Variants in HACD2 observed in about 807,000 individuals in gnomAD.
HACD2 encodes the protein very-long-chain (3R)-3-hydroxyacyl-CoA dehydratase 2.
A neutral mutation model predicts 31.0 loss-of-function variants in HACD2; 15 were observed. That is an observed-to-expected ratio of 0.48 (90% confidence interval 0.32 to 0.75). The LOEUF (loss-of-function observed/expected upper bound fraction) is 0.75. Among genes scored for constraint, HACD2 ranks in the 30% least tolerant of loss-of-function variants. HACD2 has a pLI of 0.03. For synonymous variants in HACD2, 115 were observed against 122.2 expected (o/e 0.94, Z 0.39); for missense variants, 283 against 313.0 (o/e 0.90, Z 0.72).
rs1436481950 is a variant in HACD2, at chr3:123,584,889, C to T, written c.139G>A (p.Val47Met). The T allele has an allele frequency of 3.9e-6, 6 of 1,523,018 alleles. No homozygotes were observed. Among genetic ancestry groups the T allele is most frequent in the Non-Finnish European group, 5.3e-6 (6 of 1,135,256 alleles). The allele number at this position is 1,523,018 out of a possible 1,614,324, so 94.3% of individuals were successfully genotyped here. ...CAGCCTCACCCGGCTGTCATCACCA[C>T]ATTGTAGATGACCAGGTACGCCGTG... ...LATAYLVIYNVVMTAGWLVIA... is the reference protein window; with the variant it reads ...LATAYLVIYNMVMTAGWLVIA... Residue 47 changes from valine to methionine, a missense_variant, in exon 1 of 7, where the codon GTG (valine) becomes ATG (methionine). Val to Met is a conservative substitution (Grantham distance 21). This residue lies in a region of HACD2 where 158 missense variants were observed against 148.3 expected (regional missense o/e 1.07). Transcript: ENST00000383657.
chr3:123,548,338 C>T (rs34120095), intron 3 of HACD2, among the ~76,000 whole-genome samples: 5,865 of 152,072 alleles, frequency 0.039, 697 homozygotes, highest in East Asian at 0.35. Flanking sequence ...CATTCTAGCA[C>T]GTGGTGAGGA....
chr3:123,513,915 T>C (rs974791378), intron 4 of HACD2, among the ~76,000 whole-genome samples: 1 of 152,188 alleles, frequency 6.6e-6, no homozygotes, highest in Non-Finnish European at 1.5e-5. Context: ...CAAGTACTTA[T>C]GGGTGATAGG....
intron 4 of HACD2, among the ~76,000 whole-genome samples, chr3:123,507,730 T>TA (rs1198307932): frequency 6.6e-6 from 1 of 152,116 alleles, no homozygotes; most frequent in Non-Finnish European, 1.5e-5. Flanking sequence ...ACAAAAATTT[T>TA]AAAAAATAAA....
At chr3:123,514,297 G>C (rs954526634) in intron 4 of HACD2, among the ~76,000 whole-genome samples, 4 of 151,988 alleles carry the variant, frequency 2.6e-5, no homozygotes, top group African/African-American at 9.7e-5. Flanking sequence ...AACACAGAGA[G>C]AGTAGGAAAC....
intron 2 of HACD2, among the ~76,000 whole-genome samples, chr3:123,571,323 G>C (rs2056853777): frequency 6.6e-6 from 1 of 152,130 alleles, no homozygotes; most frequent in South Asian, 2.1e-4. Flanking sequence ...TGCAGTGTAG[G>C]GATTTTGCAA....
intron 3 of HACD2, among the ~76,000 whole-genome samples, chr3:123,561,289 T>C (rs535141900): frequency 6.6e-6 from 1 of 152,266 alleles, no homozygotes; most frequent in South Asian, 2.1e-4. Flanking sequence ...TTTTTGGAAT[T>C]CACTTAAAAT....
At chr3:123,507,759 C>G (rs1172940418) in intron 4 of HACD2, among the ~76,000 whole-genome samples, 1 of 152,018 alleles carries the variant, frequency 6.6e-6, no homozygotes, top group Admixed American at 6.5e-5. Flanking sequence ...TAAAAAAGGG[C>G]ATGAGGGATC....
At chr3:123,558,702 T>C (rs73200041) in intron 3 of HACD2, among the ~76,000 whole-genome samples, 4,921 of 152,328 alleles carry the variant, frequency 0.032, 98 homozygotes, top group Middle Eastern at 0.1. Context: ...TTTCCGAAGC[T>C]TTCTTGCTCC....
intron 3 of HACD2, among the ~76,000 whole-genome samples, chr3:123,534,578 C>T (rs945545270): frequency 3.3e-5 from 5 of 151,880 alleles, no homozygotes; most frequent in Admixed American, 6.6e-5. Context: ...ATTTACTATA[C>T]TATAATTTTT....
intron 3 of HACD2, among the ~76,000 whole-genome samples, chr3:123,539,088 T>C (rs1320791992): frequency 6.6e-6 from 1 of 152,138 alleles, no homozygotes; most frequent in Non-Finnish European, 1.5e-5. Flanking sequence ...GGAATATTGA[T>C]TTTCCCTGAA....
intron 2 of HACD2, among the ~76,000 whole-genome samples, chr3:123,571,005 T>A (rs1468552663): frequency 1.3e-5 from 2 of 150,926 alleles, no homozygotes; most frequent in African/African-American, 4.9e-5. Context: ...TACAATGAAA[T>A]CCCTACATAT....
rs28657848 is a variant in HACD2 at position 123,495,260 on chromosome 3, C to G, written c.683-290G>C. 3.3e-5 allele frequency among the ~76,000 whole-genome samples: 5 copies of G among 152,198 alleles called. No individual in the cohort carries two copies. In the South Asian group the frequency reaches 8.3e-4, roughly 25 times the overall value. On this transcript the variant is annotated intron_variant, in intron 6 of 6. Coordinates refer to ENST00000383657, the MANE Select transcript of HACD2 (RefSeq NM_198402.5). Reference sequence around the variant, plus strand: ...CAGAACAGCCAAATAATATTCTGTACGCTCATTCATGTATTATCTCCACAT... The same window carrying G: ...CAGAACAGCCAAATAATATTCTGTAGGCTCATTCATGTATTATCTCCACAT...
intron 3 of HACD2, among the ~76,000 whole-genome samples, chr3:123,567,312 C>T (rs537755941): frequency 1.3e-5 from 2 of 152,252 alleles, no homozygotes; most frequent in African/African-American, 2.4e-5. Context: ...ACCCTTTATA[C>T]GTAGTACTTC....
intron 1 of HACD2, among the ~76,000 whole-genome samples, chr3:123,582,811 T>C (rs1453818061): frequency 1.3e-5 from 2 of 151,818 alleles, no homozygotes; most frequent in African/African-American, 4.8e-5. Flanking sequence ...TTAAAATCTA[T>C]CCTTTTAAAA....
intron 4 of HACD2, among the ~76,000 whole-genome samples, chr3:123,516,863 G>C (rs147658513): frequency 6.6e-6 from 1 of 152,086 alleles, no homozygotes; most frequent in African/African-American, 2.4e-5. Context: ...AAGGATGGTC[G>C]GTACCTCAAC....
rs57318249 is a variant in HACD2 at position 123,505,784 on chromosome 3, T to C, written c.382-3103A>G. On this transcript the variant is annotated intron_variant, in intron 4 of 6. Transcript: ENST00000383657. Reference sequence around the variant, plus strand: ...GAAAGAGAGGGTAAGTACTTTAAAATATGTAAAAGGATACCATGAGCAAGA... The same window carrying C: ...GAAAGAGAGGGTAAGTACTTTAAAACATGTAAAAGGATACCATGAGCAAGA... Among the ~76,000 whole-genome samples the C allele has an allele frequency of 1.8e-3, 280 of 152,358 alleles. 2 individuals carry two copies. The highest frequency in any genetic ancestry group is 6.6e-3 in the African/African-American group (273 of 41,582).
At chr3:123,563,606 T>C (rs751062971) in intron 3 of HACD2, among the ~76,000 whole-genome samples, 1 of 151,616 alleles carries the variant, frequency 6.6e-6, no homozygotes, top group Non-Finnish European at 1.5e-5. Flanking sequence ...CAAGACATGA[T>C]ACATTTCTTC....
rs145825668 is a variant in HACD2, at chr3:123,562,104, G to A, written c.292+5658C>T. The stretch of plus-strand genomic sequence containing the variant: ...TGGGATTACAGGTGTGAGCCACCAC[G>A]ACTGGCCTATTTTTTAAAATTCTCA... On this transcript the variant is annotated intron_variant, in intron 3 of 6. Transcript: ENST00000383657. 3.7e-3 allele frequency among the ~76,000 whole-genome samples: 558 copies of A among 152,274 alleles called. 3 individuals carry two copies. The highest frequency in any genetic ancestry group is 0.013 in the African/African-American group (524 of 41,542).
chr3:123,519,434 T>C (rs991549035), intron 4 of HACD2, among the ~76,000 whole-genome samples: 5 of 152,214 alleles, frequency 3.3e-5, no homozygotes, highest in African/African-American at 1.2e-4. Flanking sequence ...TGGGTAAGTT[T>C]AAAAAGGTTA....
Sources: allele counts gnomAD v4.1 joint callset (sites outside exome capture counted in the v4.1 genomes callset), GRCh38; gene constraint gnomAD v4.1.1; regional missense constraint gnomAD v4.1.1; transcripts MANE v1.5; gene names NCBI Gene and HGNC (gene_info 2026-07-23, HGNC 2026-07-21).